Variants in HIVEP2 observed in about 807,000 individuals in gnomAD.
The protein encoded by HIVEP2 is HIVEP zinc finger 2, also known as transcription factor HIVEP2.
HIVEP2 carries 14 observed loss-of-function variants against 180.7 expected under a neutral mutation model. That is an observed-to-expected ratio of 0.08 (90% CI 0.05 to 0.12). The LOEUF (loss-of-function observed/expected upper bound fraction) is 0.12. Ranked by LOEUF, HIVEP2 falls within the 10% of genes least tolerant of loss-of-function variation. The pLI is 1.00. For synonymous variants in HIVEP2, 1,184 were observed against 1,136.4 expected, an observed-to-expected ratio of 1.04 and a Z score of -0.84; for missense variants, 2,579 against 3,008.5, an observed-to-expected ratio of 0.86 and a Z score of 3.34.
chr6:142,869,754 GA>G (rs1254075646), intron 1 of HIVEP2, among the ~76,000 whole-genome samples: 10 of 151,976 alleles, frequency 6.6e-5, no homozygotes, highest in Admixed American at 2.6e-4. Context: ...ATCAAACTAA[GA>G]GTTACGTTAT....
At chr6:142,815,399 A>G (rs1224365585) in intron 2 of HIVEP2, among the ~76,000 whole-genome samples, 1 of 152,214 alleles carries the variant, frequency 6.6e-6, no homozygotes, top group Non-Finnish European at 1.5e-5. Flanking sequence ...TATTTCAAGG[A>G]GGAGAAAGTT....
intron 2 of HIVEP2, among the ~76,000 whole-genome samples, chr6:142,805,362 C>T (rs1330279842): frequency 7.1e-6 from 1 of 140,280 alleles, no homozygotes. Flanking sequence ...CCTCTCTACC[C>T]CCTGAAATCC....
At chr6:142,853,649 A>C (rs1342551745) in intron 1 of HIVEP2, among the ~76,000 whole-genome samples, 1 of 152,198 alleles carries the variant, frequency 6.6e-6, no homozygotes, top group African/African-American at 2.4e-5. Flanking sequence ...AGTCAATAGG[A>C]TATGAAACTG....
intron 1 of HIVEP2, among the ~76,000 whole-genome samples, chr6:142,844,127 GA>G (rs1325943532): frequency 1.3e-5 from 2 of 151,886 alleles, no homozygotes; most frequent in Non-Finnish European, 2.9e-5. Context: ...AACATATCCA[GA>G]AACAGAATGA....
chr6:142,883,261 T>G (rs1294283364), intron 1 of HIVEP2, among the ~76,000 whole-genome samples: 1 of 151,992 alleles, frequency 6.6e-6, no homozygotes, highest in Non-Finnish European at 1.5e-5. Context: ...CCAAAGCAGA[T>G]TCCATGCTAA....
At chr6:142,913,648 G>A (rs1777474599) in intron 1 of HIVEP2, among the ~76,000 whole-genome samples, 2 of 152,214 alleles carry the variant, frequency 1.3e-5, no homozygotes, top group South Asian at 4.1e-4. Flanking sequence ...CGTGGTGAGA[G>A]CACAACTGAT....
intron 1 of HIVEP2, among the ~76,000 whole-genome samples, chr6:142,911,824 A>G (rs1368839288): frequency 6.6e-6 from 1 of 152,202 alleles, no homozygotes; most frequent in Non-Finnish European, 1.5e-5. Flanking sequence ...GCATGCATGT[A>G]GATCTATGCA....
chr6:142,874,490 T>C (rs1776376196), intron 1 of HIVEP2, among the ~76,000 whole-genome samples: 1 of 152,152 alleles, frequency 6.6e-6, no homozygotes, highest in African/African-American at 2.4e-5. Context: ...TATTGAATTA[T>C]AAGGCATGTA....
chr6:142,888,146 T>C (rs1405521436), intron 1 of HIVEP2, among the ~76,000 whole-genome samples: 2 of 152,206 alleles, frequency 1.3e-5, no homozygotes, highest in Admixed American at 6.5e-5. Flanking sequence ...ATAACTCACA[T>C]TTAGACTATA....
intron 8 of HIVEP2, among the ~76,000 whole-genome samples, 198 bp downstream of exon 8, chr6:142,761,266 G>A (rs137976777): frequency 0.016 from 2,390 of 151,902 alleles, 42 homozygotes; most frequent in Non-Finnish European, 0.02. Context: ...TTTTGCCCTC[G>A]GAGTCAAAAC....
intron 1 of HIVEP2, among the ~76,000 whole-genome samples, chr6:142,932,555 C>A (rs1451436741): frequency 1.3e-5 from 2 of 152,092 alleles, no homozygotes. Flanking sequence ...AAAACAACAT[C>A]CTATGAGGTC....
intron 2 of HIVEP2, among the ~76,000 whole-genome samples, chr6:142,802,486 C>A (rs1454294249): frequency 6.6e-6 from 1 of 151,678 alleles, no homozygotes; most frequent in African/African-American, 2.4e-5. Context: ...TATGAATGAA[C>A]TGACTAGTAC....
At chr6:142,901,122 A>G (rs1484851233) in intron 1 of HIVEP2, among the ~76,000 whole-genome samples, 3 of 152,192 alleles carry the variant, frequency 2.0e-5, no homozygotes, top group Non-Finnish European at 4.4e-5. Context: ...CTGCTAGCAA[A>G]CTGATTCTTT....
At chr6:142,803,376 C>T (rs1280937250) in intron 2 of HIVEP2, among the ~76,000 whole-genome samples, 1 of 152,096 alleles carries the variant, frequency 6.6e-6, no homozygotes, top group Admixed American at 6.6e-5. Flanking sequence ...TTCACAGATG[C>T]TGGTGAAATA....
At chr6:142,789,488 T>A (rs1049834406) in intron 2 of HIVEP2, among the ~76,000 whole-genome samples, 7 of 152,252 alleles carry the variant, frequency 4.6e-5, no homozygotes, top group Admixed American at 3.3e-4. Flanking sequence ...TATTTAAATG[T>A]TTAGCTTATT....
intron 1 of HIVEP2, among the ~76,000 whole-genome samples, chr6:142,937,197 C>A (rs1778078730): frequency 6.6e-6 from 1 of 152,114 alleles, no homozygotes; most frequent in South Asian, 2.1e-4. Context: ...TTGATATTTC[C>A]ATTTGTTAAC....
At chr6:142,854,256 T>C (rs1165961648) in intron 1 of HIVEP2, among the ~76,000 whole-genome samples, 1 of 152,126 alleles carries the variant, frequency 6.6e-6, no homozygotes, top group East Asian at 1.9e-4. Context: ...GGTATGCTAT[T>C]GTACCCTGGT....
intron 7 of HIVEP2, among the ~76,000 whole-genome samples, chr6:142,762,116 C>A (rs1775258178): frequency 6.6e-6 from 1 of 152,082 alleles, no homozygotes; most frequent in Non-Finnish European, 1.5e-5. Flanking sequence ...TCTGAAAGAT[C>A]CATACAAATA....
intron 2 of HIVEP2, among the ~76,000 whole-genome samples, chr6:142,801,205 A>C (rs1002003416): frequency 1.3e-5 from 2 of 151,764 alleles, no homozygotes; most frequent in African/African-American, 2.4e-5. Flanking sequence ...AAAAAAAAAA[A>C]AAAAAACGAG....
Sources: allele counts gnomAD v4.1 joint callset (sites outside exome capture counted in the v4.1 genomes callset), GRCh38; gene constraint gnomAD v4.1.1; transcripts MANE v1.5; gene names NCBI Gene and HGNC (gene_info 2026-07-23, HGNC 2026-07-21).